The following OPHN1 variants were observed in gnomAD, a reference collection of about 807,000 sequenced individuals.
OPHN1 encodes oligophrenin-1.
Under a neutral mutation model 60.7 loss-of-function variants are expected in OPHN1, and 11 were observed. The ratio of observed to expected loss-of-function variants is 0.18; its 90% confidence interval spans 0.11 to 0.30. The LOEUF (loss-of-function observed/expected upper bound fraction) is 0.30, where lower values mean the gene tolerates loss of function less well. Ranked by LOEUF, OPHN1 falls within the 10% of genes least tolerant of loss-of-function variation. The pLI is 1.00. For missense variants in OPHN1, 449 were observed against 611.0 expected (o/e 0.73, Z 2.80); for synonymous variants, 226 against 222.6 (o/e 1.02, Z -0.14).
intron 2 of OPHN1, among the ~76,000 whole-genome samples, chrX:68,323,797 G>C (rs6625295): frequency 8.9e-6 from 1 of 111,918 alleles, no homozygotes; most frequent in African/African-American, 3.2e-5. Flanking sequence ...TCATGATTAC[G>C]TATGGTTTAA....
intron 2 of OPHN1, among the ~76,000 whole-genome samples, chrX:68,320,249 T>A (rs1453978442): frequency 9.0e-6 from 1 of 111,032 alleles, no homozygotes; most frequent in East Asian, 2.8e-4. Flanking sequence ...CTCAGGAGGC[T>A]GAGGCAGGAG....
intron 8 of OPHN1, 27 bp downstream of exon 8, chrX:68,212,081 G>A: frequency 1.9e-6 from 2 of 1,058,501 alleles, no homozygotes; most frequent in Non-Finnish European, 2.6e-6. Context: ...GGAAAGACCG[G>A]TGAGAAAAAT....
intron 6 of OPHN1, among the ~76,000 whole-genome samples, chrX:68,229,084 G>A (rs1482031063): frequency 1.8e-5 from 2 of 111,158 alleles, no homozygotes; most frequent in Non-Finnish European, 3.8e-5. Context: ...CAAAATCAAT[G>A]TGCAAAAGTC....
At chrX:68,375,704 C>A (rs1192202747) in intron 2 of OPHN1, among the ~76,000 whole-genome samples, 1 of 96,040 alleles carries the variant, frequency 1.0e-5, no homozygotes, top group Non-Finnish European at 1.9e-5. Flanking sequence ...GCACATGCCA[C>A]CACACCCAAC....
chrX:68,285,005 A>G (rs1008540739), intron 3 of OPHN1, among the ~76,000 whole-genome samples: 3 of 112,089 alleles, frequency 2.7e-5, no homozygotes, highest in Non-Finnish European at 5.6e-5. Flanking sequence ...AACTATATTT[A>G]GTATTTCATT....
chrX:68,369,393 G>T (rs963404697), intron 2 of OPHN1, among the ~76,000 whole-genome samples: 1 of 110,369 alleles, frequency 9.1e-6, no homozygotes, highest in Admixed American at 9.8e-5. Flanking sequence ...TGATATCCAG[G>T]GTTAACACAT....
chrX:68,433,132 A>T (rs755559153), intron 1 of OPHN1, 36 bp downstream of exon 1: 5 of 783,178 alleles, frequency 6.4e-6, no homozygotes, highest in Non-Finnish European at 9.0e-6. Context: ...CCGCTTAAGG[A>T]AGCTCATAGC....
chrX:68,369,596 C>T (rs2078516868), intron 2 of OPHN1, among the ~76,000 whole-genome samples: 1 of 110,090 alleles, frequency 9.1e-6, no homozygotes. Context: ...TAAAGGAAAA[C>T]ATGCAGAACA....
intron 16 of OPHN1, among the ~76,000 whole-genome samples, chrX:68,113,862 T>C (rs1002198286): frequency 9.8e-6 from 1 of 102,106 alleles, no homozygotes; most frequent in Non-Finnish European, 2.0e-5. Flanking sequence ...ATACCTAATG[T>C]TAAATGACGA....
intron 6 of OPHN1, among the ~76,000 whole-genome samples, chrX:68,215,063 T>G (rs890351102): frequency 5.4e-5 from 6 of 111,246 alleles, no homozygotes; most frequent in Admixed American, 9.6e-5. Context: ...ATAAGGGCTC[T>G]AATATAAAAA....
chrX:68,416,328 C>A (rs761602725), intron 2 of OPHN1, among the ~76,000 whole-genome samples: 25 of 109,798 alleles, frequency 2.3e-4, no homozygotes, highest in South Asian at 3.9e-4. Flanking sequence ...ATATATATAC[C>A]AGTTCAAAGT....
chrX:68,288,941 C>T (rs1341170063), intron 3 of OPHN1, among the ~76,000 whole-genome samples: 1 of 111,102 alleles, frequency 9.0e-6, no homozygotes, highest in African/African-American at 3.3e-5. Context: ...ACCCTGCAGA[C>T]GGCTCTGTAG....
intron 15 of OPHN1, among the ~76,000 whole-genome samples, chrX:68,142,012 CCT>C (rs1335793104): frequency 9.0e-6 from 1 of 111,216 alleles, no homozygotes; most frequent in Non-Finnish European, 1.9e-5. Flanking sequence ...GGGAGTTGCC[CCT>C]GTGTCTGGAC....
chrX:68,342,939 C>T (rs1237737450), intron 2 of OPHN1, among the ~76,000 whole-genome samples: 2 of 109,030 alleles, frequency 1.8e-5, no homozygotes, highest in Non-Finnish European at 3.8e-5. Context: ...AGATCTGTCA[C>T]GAAGACGAAG....
rs1022189170 is a variant in OPHN1 at position 68,336,264 on chromosome X, T to C, written c.155-37168A>G. ...ATAGGCCAGGAACAGTGTTCACGCC[T>C]GTAATCCCAACACTTTGGGAGGCCG... On this transcript the variant is annotated intron_variant, in intron 2 of 24. Coordinates refer to ENST00000355520, the MANE Select transcript of OPHN1 (RefSeq NM_002547.3). 3.6e-5 allele frequency among the ~76,000 whole-genome samples: 4 copies of C among 111,606 alleles called. No individual in the cohort carries two copies. In the East Asian group the frequency reaches 1.1e-3, roughly 31 times the overall value.
chrX:68,355,975 G>A (rs765600443), intron 2 of OPHN1, among the ~76,000 whole-genome samples: 6 of 110,510 alleles, frequency 5.4e-5, no homozygotes, highest in South Asian at 3.9e-4. Flanking sequence ...GCTTGAACCC[G>A]GGTGGTGGAG....
intron 15 of OPHN1, among the ~76,000 whole-genome samples, chrX:68,155,224 C>T (rs889388528): frequency 5.3e-4 from 59 of 111,770 alleles, no homozygotes; most frequent in Admixed American, 6.6e-4. Flanking sequence ...CTCTCATCTA[C>T]AGTTTTGGCA....
At chrX:68,390,418 G>A (rs779479658) in intron 2 of OPHN1, among the ~76,000 whole-genome samples, 9 of 110,815 alleles carry the variant, frequency 8.1e-5, no homozygotes, top group African/African-American at 2.6e-4. Context: ...AAGAAACATG[G>A]CAAAACCCCA....
In OPHN1 at chrX:68,181,211, C is replaced by G. The variant is rs148616376; in HGVS notation, c.1276+11708G>C. Among the ~76,000 whole-genome samples, 1,023 of 110,860 alleles carry G rather than the reference C, an allele frequency of 9.2e-3. 6 individuals are homozygous for G. Among genetic ancestry groups the G allele is most frequent in the Non-Finnish European group, 0.016 (829 of 53,062 alleles). ...TTGATCAGAAGACTATTTTGGTGGC[C>G]TGTTCGAATCATTATTTGACAAGAT... On this transcript the variant is annotated intron_variant, in intron 15 of 24. Coordinates refer to ENST00000355520, the MANE Select transcript of OPHN1 (RefSeq NM_002547.3).
Sources: gnomAD v4.1 joint callset for allele counts (sites outside exome capture counted in the v4.1 genomes callset) on GRCh38, gnomAD v4.1.1 for gene constraint, MANE v1.5 for transcripts, NCBI Gene and HGNC (gene_info 2026-07-23, HGNC 2026-07-21) for gene names.